Variants in EPHA4 observed in about 807,000 individuals in gnomAD.
The protein encoded by EPHA4 is ephrin type-A receptor 4.
Under a neutral mutation model 108.3 loss-of-function variants are expected in EPHA4, and 19 were observed. The ratio of observed to expected loss-of-function variants is 0.18; its 90% CI spans 0.12 to 0.26. The LOEUF (loss-of-function observed/expected upper bound fraction) is 0.26. Ranked by LOEUF, EPHA4 falls within the 10% of genes least tolerant of loss-of-function variation. The pLI, the probability that EPHA4 is intolerant of heterozygous loss-of-function variation, is 1.00. For synonymous variants in EPHA4, 449 were observed against 455.5 expected (o/e 0.99, Z 0.18); for missense variants, 917 against 1,254.0 (o/e 0.73, Z 4.06).
At chr2:221,434,377 G>C in intron 13 of EPHA4, 86 bp from the exon 14 acceptor site, 1 of 1,421,188 alleles carries the variant, frequency 7.0e-7, no homozygotes, top group Non-Finnish European at 9.7e-7. Context: ...TGCTAGCCAA[G>C]CAGGACAACA....
chr2:221,469,590 T>G (rs1691414513), intron 5 of EPHA4, among the ~76,000 whole-genome samples: 1 of 152,192 alleles, frequency 6.6e-6, no homozygotes. Context: ...GAATATATTA[T>G]AAATTACTCC....
intron 3 of EPHA4, among the ~76,000 whole-genome samples, chr2:221,533,705 G>A (rs1160745883): frequency 9.2e-6 from 1 of 108,452 alleles, no homozygotes; most frequent in Non-Finnish European, 1.7e-5. Context: ...CATCCTGACT[G>A]TTAATTTTGT....
chr2:221,528,333 C>G (rs1002067554), intron 3 of EPHA4, among the ~76,000 whole-genome samples: 1 of 152,158 alleles, frequency 6.6e-6, no homozygotes, highest in Non-Finnish European at 1.5e-5. Context: ...AATCCAGGCT[C>G]GGTAACCATT....
intron 3 of EPHA4, among the ~76,000 whole-genome samples, chr2:221,528,809 G>T: frequency 6.6e-6 from 1 of 152,034 alleles, no homozygotes; most frequent in African/African-American, 2.4e-5. Flanking sequence ...GCCCTCCTGT[G>T]CCATCACCAA....
Position 221,522,881 on chromosome 2 carries a change from C to T in EPHA4, c.824-21709G>A, listed in dbSNP as rs191766820. Among the ~76,000 whole-genome samples, 19 of 151,972 alleles carry T rather than the reference C, an allele frequency of 1.3e-4. No homozygotes were observed. The East Asian group carries it at 3.7e-3, about 30-fold the overall frequency. On this transcript the variant is annotated intron_variant, in intron 3 of 17. Coordinates refer to ENST00000281821, the MANE Select transcript of EPHA4 (RefSeq NM_004438.5). ...CTCCCAGGTTCAAGTGATTCTTTTG[C>T]CTCAGCCTCATGAGTAGCTGGGATT... is the stretch of plus-strand genomic sequence containing the variant.
intron 3 of EPHA4, among the ~76,000 whole-genome samples, chr2:221,519,533 G>A (rs1468025660): frequency 6.6e-6 from 1 of 152,184 alleles, no homozygotes; most frequent in African/African-American, 2.4e-5. Flanking sequence ...CTCTTCAGAC[G>A]AATCCAACAG....
intron 4 of EPHA4, among the ~76,000 whole-genome samples, chr2:221,488,283 G>A (rs2106146508): frequency 6.6e-6 from 1 of 152,220 alleles, no homozygotes; most frequent in African/African-American, 2.4e-5. Context: ...TCAGAATTCT[G>A]CATGTAATTC....
chr2:221,441,640 G>T (rs114493682), intron 11 of EPHA4, among the ~76,000 whole-genome samples: 2,754 of 152,232 alleles, frequency 0.018, 72 homozygotes, highest in African/African-American at 0.062. Context: ...ATCCGTGGAT[G>T]ACAACTGCTA....
At chr2:221,474,236 C>T (rs185879926) in intron 5 of EPHA4, among the ~76,000 whole-genome samples, 450 of 152,118 alleles carry the variant, frequency 3.0e-3, no homozygotes, top group African/African-American at 9.7e-3. Flanking sequence ...TGGCACCCAC[C>T]CCGAATACAA....
chr2:221,508,013 G>T (rs1287273510), intron 3 of EPHA4, among the ~76,000 whole-genome samples: 1 of 152,144 alleles, frequency 6.6e-6, no homozygotes, highest in Non-Finnish European at 1.5e-5. Context: ...TGAGTCCTGA[G>T]AATTTGCATT....
chr2:221,496,610 C>T (rs1008852911), intron 4 of EPHA4, among the ~76,000 whole-genome samples: 1 of 152,116 alleles, frequency 6.6e-6, no homozygotes, highest in Non-Finnish European at 1.5e-5. Flanking sequence ...AAAATACTTA[C>T]AAGTTTAGTT....
At chr2:221,573,367 G>C (rs1008238271), upstream of EPHA4, 1 of 152,244 alleles carries the variant, frequency 6.6e-6, no homozygotes. The surrounding 1 kb of genome is among the most constrained non-coding windows in gnomAD (Gnocchi z 4.5). Context: ...TCCGGCCCCG[G>C]GGGCACTGGC....
At chr2:221,541,875 T>C (rs1427850894) in intron 3 of EPHA4, among the ~76,000 whole-genome samples, 1 of 152,220 alleles carries the variant, frequency 6.6e-6, no homozygotes, top group Non-Finnish European at 1.5e-5. Context: ...CAGGTTTACT[T>C]TGCATGCAGC....
At chr2:221,504,269 T>A (rs1315844782) in intron 3 of EPHA4, among the ~76,000 whole-genome samples, 1 of 152,172 alleles carries the variant, frequency 6.6e-6, no homozygotes, top group African/African-American at 2.4e-5. Flanking sequence ...TTCACACGTA[T>A]GATGCAAACT....
intron 5 of EPHA4, among the ~76,000 whole-genome samples, chr2:221,477,227 G>A (rs1691681452): frequency 6.6e-6 from 1 of 152,128 alleles, no homozygotes; most frequent in African/African-American, 2.4e-5. Flanking sequence ...ACAGTAACGG[G>A]AGCATCATGC....
At position 221,519,088 on chromosome 2, in the gene EPHA4, T is replaced by G. The variant is rs558465746; in HGVS notation, c.824-17916A>C. ...GAGCTCAGGCAGATAGGATAAGAGA[T>G]AAGTCCCTTTGCAGAGTTAGTCACA... On this transcript the variant is annotated intron_variant, in intron 3 of 17. Coordinates refer to ENST00000281821, the MANE Select transcript of EPHA4 (RefSeq NM_004438.5). Among the ~76,000 whole-genome samples, 15 of 152,344 alleles carry G rather than the reference T, an allele frequency of 9.8e-5. No individual in the cohort carries two copies. In the East Asian group the frequency reaches 2.9e-3, roughly 29 times the overall value.
chr2:221,505,177 A>T (rs1210748619), intron 3 of EPHA4, among the ~76,000 whole-genome samples: 1 of 152,206 alleles, frequency 6.6e-6, no homozygotes, highest in African/African-American at 2.4e-5. Context: ...ACTGGCTGTG[A>T]GTATAAAATA....
chr2:221,519,578 T>A (rs1201747150), intron 3 of EPHA4, among the ~76,000 whole-genome samples: 4 of 152,240 alleles, frequency 2.6e-5, no homozygotes, highest in Non-Finnish European at 5.9e-5. Flanking sequence ...ATTAGGTTGG[T>A]ACAAAAGTCA....
rs1690651285 is a variant in EPHA4, at chr2:221,448,064, A to G, written c.1716-1883T>C. 2.0e-5 allele frequency among the ~76,000 whole-genome samples: 3 copies of G among 151,714 alleles called. No homozygotes were observed. In the South Asian group the frequency reaches 6.3e-4, roughly 32 times the overall value. On this transcript the variant is annotated intron_variant, in intron 8 of 17. Transcript: ENST00000281821. The stretch of plus-strand genomic sequence containing the variant: ...ACCATGTTGGCCAAGCTGGTCTCAA[A>G]CTCTTGACCTCAAGTAATCCGCCCA...
Sources: allele counts gnomAD v4.1 joint callset (sites outside exome capture counted in the v4.1 genomes callset), GRCh38; gene constraint gnomAD v4.1.1; non-coding constraint Gnocchi (gnomAD v3.1); transcripts MANE v1.5; gene names NCBI Gene and HGNC (gene_info 2026-07-23, HGNC 2026-07-21).